The following CHCHD6 variants were observed in gnomAD, a reference collection of about 807,000 sequenced individuals.
CHCHD6 encodes the protein MICOS complex subunit MIC25.
In CHCHD6, 28 loss-of-function variants were observed where a neutral mutation model predicts 32.3. The observed-to-expected ratio is 0.87, with a 90% confidence interval of 0.64 to 1.19. CHCHD6 has a LOEUF of 1.19. Among genes scored for constraint, CHCHD6 ranks in the 50% most tolerant of loss-of-function variants. The pLI, the probability that CHCHD6 is intolerant of heterozygous loss-of-function variation, is 0.00. For missense variants in CHCHD6, 333 were observed against 307.0 expected, an observed-to-expected ratio of 1.08 and a Z score of -0.63; for synonymous variants, 122 against 117.5, an observed-to-expected ratio of 1.04 and a Z score of -0.25.
chr3:126,811,738 A>G (rs1939663417), intron 4 of CHCHD6, among the ~76,000 whole-genome samples: 1 of 152,190 alleles, frequency 6.6e-6, no homozygotes, highest in Non-Finnish European at 1.5e-5. Flanking sequence ...ATGTGAATGG[A>G]ATGGAATCTG....
At position 126,957,466 on chromosome 3, in the gene CHCHD6, A is replaced by G. The variant is rs993752384; in HGVS notation, c.617A>G (p.His206Arg). The change falls in exon 7 of 8, where the codon CAC becomes CGC. Residue 206 changes from histidine to arginine, a missense_variant. Physicochemically the swap from His to Arg is conservative, Grantham distance 29 (BLOSUM62 0). Coordinates refer to ENST00000290913, the MANE Select transcript of CHCHD6 (RefSeq NM_032343.3). ...VCSGLQAQIL[H>R]CYRDRPHEVL... ...TCAGGGTTGCAGGCCCAGATTCTCC[A>G]CTGCTACCGAGATCGCCCGCATGAG... is the stretch of plus-strand genomic sequence containing the variant. 23 of 1,610,688 alleles carry G rather than the reference A, an allele frequency of 1.4e-5. No individual in the cohort carries two copies. In the African/African-American group the frequency reaches 2.7e-4, roughly 19 times the overall value.
chr3:126,806,641 G>A (rs1939396199), intron 4 of CHCHD6, among the ~76,000 whole-genome samples: 1 of 152,098 alleles, frequency 6.6e-6, no homozygotes, highest in Non-Finnish European at 1.5e-5. Context: ...TCAGTGTGGC[G>A]ATTCCTCAGG....
intron 4 of CHCHD6, among the ~76,000 whole-genome samples, chr3:126,843,198 T>C (rs1240974132): frequency 1.3e-5 from 2 of 152,208 alleles, no homozygotes; most frequent in African/African-American, 4.8e-5. Flanking sequence ...TGTCTTCTTA[T>C]TCTTTTTTAA....
intron 4 of CHCHD6, among the ~76,000 whole-genome samples, chr3:126,815,295 T>A (rs899533472): frequency 6.6e-6 from 1 of 152,188 alleles, no homozygotes; most frequent in East Asian, 1.9e-4. Context: ...CCAGTGGATG[T>A]CTCTCTGAGC....
At chr3:126,764,126 A>C (rs1358875356) in intron 4 of CHCHD6, among the ~76,000 whole-genome samples, 3 of 149,954 alleles carry the variant, frequency 2.0e-5, no homozygotes, top group Non-Finnish European at 4.4e-5. Context: ...CAATTATATC[A>C]TTTATTTAAA....
chr3:126,725,784 G>A (rs150142944), intron 1 of CHCHD6, among the ~76,000 whole-genome samples: 1 of 152,188 alleles, frequency 6.6e-6, no homozygotes, highest in African/African-American at 2.4e-5. Context: ...TGGAGATGGT[G>A]TCTTTACTTA....
chr3:126,767,621 G>T (rs547592148), intron 4 of CHCHD6: 24 of 320,028 alleles, frequency 7.5e-5, no homozygotes, highest in Non-Finnish European at 1.3e-4. Context: ...AGGTTCAGGG[G>T]TGCTTGTGAA....
intron 4 of CHCHD6, among the ~76,000 whole-genome samples, chr3:126,804,018 G>A (rs542627395): frequency 7.4e-4 from 113 of 152,190 alleles, no homozygotes; most frequent in South Asian, 1.0e-3. Context: ...AAACCAACGA[G>A]AACAAAGACA....
chr3:126,857,823 G>A (rs1941712867), intron 5 of CHCHD6, among the ~76,000 whole-genome samples: 1 of 152,244 alleles, frequency 6.6e-6, no homozygotes, highest in South Asian at 2.1e-4. Flanking sequence ...CAAGGATGTG[G>A]TTTAACCTAA....
At chr3:126,858,174 C>G (rs1377776775) in intron 5 of CHCHD6, among the ~76,000 whole-genome samples, 2 of 152,088 alleles carry the variant, frequency 1.3e-5, no homozygotes, top group Non-Finnish European at 2.9e-5. Context: ...GGAAGAGGAC[C>G]TACAAACTGT....
chr3:126,754,027 A>G (rs1458895639), intron 4 of CHCHD6, among the ~76,000 whole-genome samples: 2 of 152,234 alleles, frequency 1.3e-5, no homozygotes, highest in African/African-American at 4.8e-5. Flanking sequence ...GAGTCCCAGC[A>G]GCATTGACAT....
At chr3:126,737,931 G>T (rs1204344500) in intron 4 of CHCHD6, among the ~76,000 whole-genome samples, 1 of 152,098 alleles carries the variant, frequency 6.6e-6, no homozygotes, top group Non-Finnish European at 1.5e-5. Flanking sequence ...CCTCAAAAGA[G>T]ATAAATAGGA....
At chr3:126,838,088 G>T (rs1162787061) in intron 4 of CHCHD6, among the ~76,000 whole-genome samples, 1 of 152,172 alleles carries the variant, frequency 6.6e-6, no homozygotes, top group African/African-American at 2.4e-5. Context: ...AAAGCAGCAT[G>T]AGCAGACACA....
intron 4 of CHCHD6, among the ~76,000 whole-genome samples, chr3:126,736,756 A>G (rs1213491821): frequency 1.3e-5 from 2 of 152,160 alleles, no homozygotes; most frequent in Non-Finnish European, 2.9e-5. Flanking sequence ...AGTGAAGGCC[A>G]TGGGTGTCAC....
At chr3:126,844,710 G>A (rs941341254) in intron 4 of CHCHD6, among the ~76,000 whole-genome samples, 3 of 152,160 alleles carry the variant, frequency 2.0e-5, no homozygotes, top group Non-Finnish European at 4.4e-5. Flanking sequence ...AGTACCTGGA[G>A]CCTGTGCATG....
intron 4 of CHCHD6, among the ~76,000 whole-genome samples, chr3:126,819,132 G>A (rs1478971828): frequency 6.6e-6 from 1 of 152,164 alleles, no homozygotes. Context: ...CTGCCACACT[G>A]CTTCATGATG....
chr3:126,902,163 G>A (rs911519219), intron 5 of CHCHD6, among the ~76,000 whole-genome samples: 3 of 152,280 alleles, frequency 2.0e-5, no homozygotes, highest in Non-Finnish European at 2.9e-5. Flanking sequence ...AGACAACAGC[G>A]TCTGTAAGAC....
chr3:126,928,021 C>A (rs1156987360), intron 6 of CHCHD6, among the ~76,000 whole-genome samples: 3 of 152,230 alleles, frequency 2.0e-5, no homozygotes, highest in Non-Finnish European at 4.4e-5. Context: ...GGACACTGCC[C>A]TGGGGGCAGG....
chr3:126,957,731 T>G, intron 7 of CHCHD6, 180 bp downstream of exon 7: 8 of 749,712 alleles, frequency 1.1e-5, no homozygotes, highest in Non-Finnish European at 1.3e-5. Context: ...CACACTCTCC[T>G]GGCTGCTTCC....
Sources: allele counts gnomAD v4.1 joint callset (sites outside exome capture counted in the v4.1 genomes callset), GRCh38; gene constraint gnomAD v4.1.1; transcripts MANE v1.5; gene names NCBI Gene and HGNC (gene_info 2026-07-23, HGNC 2026-07-21).